Variants in DNAJC15 observed in about 807,000 individuals in gnomAD.
DNAJC15 encodes dnaJ homolog subfamily C member 15.
A neutral mutation model predicts 22.4 loss-of-function variants in DNAJC15; 27 were observed. The observed-to-expected ratio is 1.20, with a 90% CI of 0.89 to 1.66. DNAJC15 has a LOEUF of 1.66. Among genes scored for constraint, DNAJC15 ranks in the 40% most tolerant of loss-of-function variants. DNAJC15 has a pLI of 0.00. For synonymous variants in DNAJC15, 79 were observed against 63.2 expected, an observed-to-expected ratio of 1.25 and a Z score of -1.19; for missense variants, 208 against 187.1, an observed-to-expected ratio of 1.11 and a Z score of -0.65.
At position 43,069,010 on chromosome 13, in the gene DNAJC15, T is replaced by TA. The variant is rs769588361; in HGVS notation, c.234+10dup. 2 of 1,609,852 alleles carry TA rather than the reference T, an allele frequency of 1.2e-6. No individual in the cohort carries two copies. Among genetic ancestry groups the TA allele is most frequent in the Non-Finnish European group, 1.7e-6 (2 of 1,178,090 alleles). On this transcript the variant is annotated splice_region_variant and intron_variant, in intron 3 of 5. Transcript: ENST00000379221. Reference sequence around the variant, plus strand: ...AAAGAAGATTTCAACTCCTGTAAGTTAAACGTGGCTTTAGTTAGAAGACTC... The same window carrying TA: ...AAAGAAGATTTCAACTCCTGTAAGTTAAAACGTGGCTTTAGTTAGAAGACTC...
intron 1 of DNAJC15, among the ~76,000 whole-genome samples, chr13:43,046,828 C>A (rs924339793): frequency 6.6e-6 from 1 of 152,214 alleles, no homozygotes; most frequent in Non-Finnish European, 1.5e-5. Flanking sequence ...TGACTTACAC[C>A]CCTCTGGATC....
chr13:43,038,728 C>T (rs1046633765), intron 1 of DNAJC15, among the ~76,000 whole-genome samples: 1 of 149,496 alleles, frequency 6.7e-6, no homozygotes, highest in African/African-American at 2.5e-5. Flanking sequence ...GGAGGCAGAG[C>T]TTGCAGTGAG....
At chr13:43,049,268 TC>T (rs1204379953) in intron 1 of DNAJC15, among the ~76,000 whole-genome samples, 1 of 152,232 alleles carries the variant, frequency 6.6e-6, no homozygotes, top group East Asian at 1.9e-4. Context: ...CTTTTCAATG[TC>T]ATTTTTTCTC....
At chr13:43,080,493 T>A (rs2040656822) in intron 4 of DNAJC15, among the ~76,000 whole-genome samples, 1 of 152,244 alleles carries the variant, frequency 6.6e-6, no homozygotes. Context: ...ATATGTTTGC[T>A]GTTGTAAATA....
chr13:43,076,129 G>A lies in DNAJC15; in HGVS notation c.235-2483G>A, dbSNP rs149620375. 5.3e-5 allele frequency among the ~76,000 whole-genome samples: 8 copies of A among 152,274 alleles called. No homozygotes were observed. The East Asian group carries it at 1.5e-3, about 29-fold the overall frequency. On this transcript the variant is annotated intron_variant, in intron 3 of 5. Coordinates refer to ENST00000379221, the MANE Select transcript of DNAJC15 (RefSeq NM_013238.3). ...CCTCTCCTCAAAACTTGTGTCAGGG[G>A]TGGGGGACTATTTGTTTTTTTACTG...
intron 4 of DNAJC15, among the ~76,000 whole-genome samples, chr13:43,079,733 A>G (rs765267236): frequency 9.9e-5 from 15 of 152,130 alleles, no homozygotes; most frequent in Non-Finnish European, 1.9e-4. Context: ...ACCAAGTACA[A>G]AGGTTTTTGA....
At chr13:43,033,429 A>G (rs920317002) in intron 1 of DNAJC15, among the ~76,000 whole-genome samples, 10 of 152,132 alleles carry the variant, frequency 6.6e-5, no homozygotes, top group Admixed American at 3.9e-4. Flanking sequence ...AAAAAAAATA[A>G]ACCAATATTG....
At chr13:43,074,100 G>C (rs183949560) in intron 3 of DNAJC15, among the ~76,000 whole-genome samples, 1 of 151,812 alleles carries the variant, frequency 6.6e-6, no homozygotes, top group African/African-American at 2.4e-5. Context: ...TCCTTTGTTA[G>C]CTTTAAATCA....
chr13:43,097,443 A>G (rs980839376), intron 5 of DNAJC15, among the ~76,000 whole-genome samples: 2 of 152,218 alleles, frequency 1.3e-5, no homozygotes, highest in African/African-American at 2.4e-5. Context: ...AAGCCATACT[A>G]CAAACTTCAG....
At chr13:43,047,534 G>T (rs951941775) in intron 1 of DNAJC15, among the ~76,000 whole-genome samples, 1 of 152,214 alleles carries the variant, frequency 6.6e-6, no homozygotes, top group South Asian at 2.1e-4. Context: ...CGTTCACATA[G>T]GTGCTGGTTA....
chr13:43,031,083 G>A (rs1002788570), intron 1 of DNAJC15, among the ~76,000 whole-genome samples: 4 of 152,232 alleles, frequency 2.6e-5, no homozygotes, highest in Non-Finnish European at 5.9e-5. Flanking sequence ...GCACAAATGA[G>A]TGAGGGGATG....
chr13:43,107,296 A>G lies in DNAJC15; in HGVS notation c.*48A>G, dbSNP rs760797822. On this transcript the variant is annotated 3_prime_UTR_variant, in exon 6 of 6. Coordinates refer to ENST00000379221, the MANE Select transcript of DNAJC15 (RefSeq NM_013238.3). ...AAAAAAAAAGAGGGGACTTCGAAAAAAAAAAAAGCCCTGCAAAATATTCTA... is the reference window on the plus strand; with the variant it reads ...AAAAAAAAAGAGGGGACTTCGAAAAGAAAAAAAGCCCTGCAAAATATTCTA... 2.0e-6 allele frequency: 3 copies of G among 1,468,384 alleles called. No individual in the cohort carries two copies. The highest frequency in any genetic ancestry group is 2.7e-6 in the Non-Finnish European group (3 of 1,105,274). 91.0% of individuals were successfully genotyped at this position (1,468,384 alleles called of 1,614,324 possible).
chr13:43,053,788 C>T (rs9590733), intron 1 of DNAJC15, among the ~76,000 whole-genome samples: 3,030 of 152,256 alleles, frequency 0.02, 94 homozygotes, highest in African/African-American at 0.066. Context: ...TTGCTGAATT[C>T]ATTGATCAAT....
chr13:43,101,245 C>T (rs757312033), intron 5 of DNAJC15, among the ~76,000 whole-genome samples: 3 of 152,142 alleles, frequency 2.0e-5, no homozygotes, highest in Non-Finnish European at 2.9e-5. Context: ...TCAGGCTAGC[C>T]TCAAACTCCT....
chr13:43,106,360 G>T (rs2040796854), intron 5 of DNAJC15, among the ~76,000 whole-genome samples: 1 of 152,158 alleles, frequency 6.6e-6, no homozygotes, highest in Non-Finnish European at 1.5e-5. Context: ...TAGCTTTCAT[G>T]TGACAGTTTG....
intron 3 of DNAJC15, 94 bp downstream of exon 3, chr13:43,069,097 A>T: frequency 7.9e-7 from 1 of 1,271,458 alleles, no homozygotes. Flanking sequence ...GGATTTTCCA[A>T]TGTTTGTAGA....
At chr13:43,073,734 T>C (rs944865583) in intron 3 of DNAJC15, among the ~76,000 whole-genome samples, 10 of 152,314 alleles carry the variant, frequency 6.6e-5, no homozygotes, top group African/African-American at 2.4e-4. Flanking sequence ...CATTTCTTGT[T>C]TTCTAGGCCT....
intron 1 of DNAJC15, among the ~76,000 whole-genome samples, chr13:43,028,890 GT>G (rs1304392603): frequency 1.3e-5 from 2 of 152,076 alleles, no homozygotes; most frequent in Non-Finnish European, 2.9e-5. Flanking sequence ...TTTTATTATA[GT>G]TTATTAAGAT....
chr13:43,024,905 A>AAAAAAAAAAAAAAAAAAAAAAAAAAAAT (rs1173096808), intron 1 of DNAJC15, among the ~76,000 whole-genome samples: 1 of 148,130 alleles, frequency 6.8e-6, no homozygotes, highest in Non-Finnish European at 1.5e-5. Context: ...AAAAAAAAAA[A>AAAAAAAAAAAAAAAAAAAAAAAAAAAAT]AAAAAATTAG....
Sources: gnomAD v4.1 joint callset for allele counts (sites outside exome capture counted in the v4.1 genomes callset) on GRCh38, gnomAD v4.1.1 for gene constraint, MANE v1.5 for transcripts, NCBI Gene and HGNC (gene_info 2026-07-23, HGNC 2026-07-21) for gene names.